The following DDX4 variants were observed in gnomAD, a reference collection of about 807,000 sequenced individuals.
The protein encoded by DDX4 is DEAD-box helicase 4.
DDX4 carries 25 observed loss-of-function variants against 100.0 expected under a neutral mutation model. That is an observed-to-expected ratio of 0.25 (90% CI 0.18 to 0.35). The LOEUF (loss-of-function observed/expected upper bound fraction) is 0.35. DDX4 is among the 10% of genes least tolerant of loss of function. The probability of loss-of-function intolerance (pLI) is 1.00; values close to 1 mark genes in which losing one functional copy is unlikely to be tolerated. For synonymous variants in DDX4, 259 were observed against 275.7 expected, an observed-to-expected ratio of 0.94 and a Z score of 0.60; for missense variants, 635 against 882.4, an observed-to-expected ratio of 0.72 and a Z score of 3.55.
intron 7 of DDX4, among the ~76,000 whole-genome samples, chr5:55,773,609 T>C (rs1176666760): frequency 6.6e-6 from 1 of 151,986 alleles, no homozygotes; most frequent in Non-Finnish European, 1.5e-5. Flanking sequence ...TATGAAGTGG[T>C]ATCTCATTGT....
At chr5:55,763,760 A>G (rs570870757) in intron 5 of DDX4, among the ~76,000 whole-genome samples, 1 of 152,282 alleles carries the variant, frequency 6.6e-6, no homozygotes, top group South Asian at 2.1e-4. Context: ...CCATGTGCAT[A>G]CAGAGGAGTA....
At chr5:55,738,708 A>G (rs969013229) in intron 1 of DDX4, among the ~76,000 whole-genome samples, 2 of 152,192 alleles carry the variant, frequency 1.3e-5, no homozygotes, top group Non-Finnish European at 2.9e-5. Context: ...TGCTGGGGAC[A>G]TGGCGATTGC....
At chr5:55,789,655 T>G (rs1407770173) in intron 15 of DDX4, among the ~76,000 whole-genome samples, 1 of 152,172 alleles carries the variant, frequency 6.6e-6, no homozygotes, top group African/African-American at 2.4e-5. Context: ...TTGGAACTAG[T>G]GCAAAATTGA....
At chr5:55,743,911 C>CTT (rs35808138) in intron 2 of DDX4, among the ~76,000 whole-genome samples, 11,297 of 113,258 alleles carry the variant, frequency 0.1, 861 homozygotes, top group East Asian at 0.26. Context: ...TAAAACCAGC[C>CTT]TTTTTTTTTT....
At chr5:55,804,084 A>G (rs1213812387) in intron 18 of DDX4, among the ~76,000 whole-genome samples, 1 of 151,414 alleles carries the variant, frequency 6.6e-6, no homozygotes, top group Admixed American at 6.6e-5. Context: ...GATGGTGAGC[A>G]TTTTTTCATG....
In DDX4 at chr5:55,798,249, A is replaced by G. The variant is rs530548623; in HGVS notation, c.1470-177A>G. On this transcript the variant is annotated intron_variant, in intron 17 of 21. Transcript: ENST00000505374. The stretch of plus-strand genomic sequence containing the variant: ...TAGTTATGTATTTTGCAAAATCCTA[A>G]TATTTTATACTGATCTTTCACAATA... Among the ~76,000 whole-genome samples, 5 of 152,304 alleles carry G rather than the reference A, an allele frequency of 3.3e-5. No homozygotes were observed. The South Asian group carries it at 1.0e-3, about 32-fold the overall frequency.
chr5:55,745,072 G>T (rs1406890854), intron 2 of DDX4, among the ~76,000 whole-genome samples: 2 of 152,034 alleles, frequency 1.3e-5, no homozygotes, highest in East Asian at 3.9e-4. Context: ...TAGAGATGGG[G>T]TTTCTCCATG....
chr5:55,738,930 T>A lies in DDX4; in HGVS notation c.-14-20T>A. 1 of 1,255,472 alleles carries A rather than the reference T, an allele frequency of 8.0e-7. No individual in the cohort carries two copies. The highest frequency in any genetic ancestry group is 1.1e-6 in the Non-Finnish European group (1 of 878,524). 77.8% of individuals were successfully genotyped at this position (1,255,472 alleles called of 1,614,324 possible). A position where few individuals can be genotyped will look rare whatever the true frequency, so the allele number is the denominator to read the frequency against. ...GATCTAATTGAGTCCAAATGTGCAT[T>A]TTTTTTTTTTTATGAATAGAACTTG... On this transcript the variant is annotated intron_variant, in intron 1 of 21. Coordinates refer to ENST00000505374, the MANE Select transcript of DDX4 (RefSeq NM_024415.3).
chr5:55,783,487 T>C (rs1742045626), intron 10 of DDX4, among the ~76,000 whole-genome samples: 1 of 152,072 alleles, frequency 6.6e-6, no homozygotes, highest in South Asian at 2.1e-4. Context: ...AGAAAGGTAA[T>C]ATATAGAAAG....
intron 18 of DDX4, among the ~76,000 whole-genome samples, chr5:55,803,177 C>T (rs576845513): frequency 3.2e-4 from 48 of 150,516 alleles, no homozygotes; most frequent in African/African-American, 1.1e-3. Flanking sequence ...CAATTCCCAC[C>T]GATGAGTGAG....
intron 18 of DDX4, among the ~76,000 whole-genome samples, chr5:55,807,045 CTTG>C (rs1255451336): frequency 1.3e-5 from 2 of 152,188 alleles, no homozygotes; most frequent in Non-Finnish European, 2.9e-5. Context: ...GTTAGCTCTT[CTTG>C]TTGTATTGAT....
chr5:55,813,575 G>GA, intron 18 of DDX4, 98 bp from the exon 19 acceptor site: 1 of 1,415,632 alleles, frequency 7.1e-7, no homozygotes, highest in South Asian at 1.8e-5. Context: ...ATACAGTGGT[G>GA]GACAAAGTTT....
intron 3 of DDX4, among the ~76,000 whole-genome samples, chr5:55,757,616 G>C (rs1210907354): frequency 6.6e-6 from 1 of 152,088 alleles, no homozygotes; most frequent in African/African-American, 2.4e-5. Context: ...TGAGAGGTAG[G>C]ATTCCCAAGA....
At chr5:55,805,734 T>C (rs976366545) in intron 18 of DDX4, among the ~76,000 whole-genome samples, 3 of 152,390 alleles carry the variant, frequency 2.0e-5, no homozygotes, top group African/African-American at 7.2e-5. Context: ...GCCAGTATTT[T>C]CTTGAGGATT....
At chr5:55,796,823 CTTTTTTTTTTTTTTTTTTTTTT>C (rs3990072) in intron 17 of DDX4, among the ~76,000 whole-genome samples, 2 of 59,942 alleles carry the variant, frequency 3.3e-5, no homozygotes, top group East Asian at 4.0e-4. Flanking sequence ...TTCTTTCTTT[CTTTTTTTTTTTTTTTTTTTTTT>C]TTTTTTTTTT....
Position 55,813,039 on chromosome 5 carries a change from C to T in DDX4, c.1616-634C>T, listed in dbSNP as rs966863445. Among the ~76,000 whole-genome samples, 3 of 151,930 alleles carry T rather than the reference C, an allele frequency of 2.0e-5. 1 individual carries two copies. Among genetic ancestry groups the T allele is most frequent in the African/African-American group, 7.2e-5 (3 of 41,430 alleles). ...TCTCCAACATTTTATAGGGAAATTC[C>T]CTGTGTGGGAAAATCTCCGGCCCAT... On this transcript the variant is annotated intron_variant, in intron 18 of 21. Coordinates refer to ENST00000505374, the MANE Select transcript of DDX4 (RefSeq NM_024415.3).
rs1188142809 is a variant in DDX4, at chr5:55,785,417, G to A, written c.674-30G>A. On this transcript the variant is annotated intron_variant, in intron 11 of 21. Transcript: ENST00000505374. ...TTTACCTTTCAATTTTAAAAAACAT[G>A]TATCTCTTTTTTATTTGATCCTCTT... 8 of 1,594,462 alleles carry A rather than the reference G, an allele frequency of 5.0e-6. No homozygotes were observed. The African/African-American group carries it at 6.7e-5, about 13-fold the overall frequency.
chr5:55,787,174 A>T (rs1742297236), intron 14 of DDX4, among the ~76,000 whole-genome samples: 1 of 152,200 alleles, frequency 6.6e-6, no homozygotes. Flanking sequence ...ACTCCATAAG[A>T]TGAGACTCTT....
At chr5:55,794,036 G>A (rs569586937) in intron 17 of DDX4, among the ~76,000 whole-genome samples, 1 of 152,022 alleles carries the variant, frequency 6.6e-6, no homozygotes, top group Non-Finnish European at 1.5e-5. Context: ...TTTTTTATAT[G>A]GTAAATCTTT....
Sources: allele counts gnomAD v4.1 joint callset (sites outside exome capture counted in the v4.1 genomes callset), GRCh38; gene constraint gnomAD v4.1.1; transcripts MANE v1.5; gene names NCBI Gene and HGNC (gene_info 2026-07-23, HGNC 2026-07-21).